Variants in PRKG1 observed in about 807,000 individuals in gnomAD.
PRKG1 encodes the protein protein kinase cGMP-dependent 1.
Under a neutral mutation model 88.1 loss-of-function variants are expected in PRKG1, and 35 were observed. The ratio of observed to expected loss-of-function variants is 0.40; its 90% CI spans 0.30 to 0.53. PRKG1 has a LOEUF of 0.53. PRKG1 is among the 20% of genes least tolerant of loss of function. The pLI, the probability that PRKG1 is intolerant of heterozygous loss-of-function variation, is 0.59. For missense variants in PRKG1, 540 were observed against 839.8 expected, an observed-to-expected ratio of 0.64 and a Z score of 4.41; for synonymous variants, 303 against 292.5, an observed-to-expected ratio of 1.04 and a Z score of -0.37.
intron 3 of PRKG1, among the ~76,000 whole-genome samples, chr10:51,526,847 C>T (rs972562325): frequency 1.3e-5 from 2 of 152,134 alleles, no homozygotes; most frequent in Non-Finnish European, 2.9e-5. Context: ...CTTCTCTGTA[C>T]ATTAGACCCT....
chr10:51,586,357 G>A (rs923777024), intron 3 of PRKG1, among the ~76,000 whole-genome samples: 4 of 152,246 alleles, frequency 2.6e-5, no homozygotes, highest in Middle Eastern at 3.4e-3. Context: ...GGACACCACT[G>A]TAGCATTTCA....
chr10:52,285,488 C>T (rs1842097755), intron 14 of PRKG1, among the ~76,000 whole-genome samples: 1 of 152,060 alleles, frequency 6.6e-6, no homozygotes, highest in Non-Finnish European at 1.5e-5. Flanking sequence ...AAAGCTGGAA[C>T]CACTGATCCT....
At chr10:51,954,927 CT>C (rs1843268405) in intron 5 of PRKG1, among the ~76,000 whole-genome samples, 1 of 151,920 alleles carries the variant, frequency 6.6e-6, no homozygotes, top group African/African-American at 2.4e-5. Context: ...CAACATTTTG[CT>C]ATCTTTTATT....
intron 9 of PRKG1, among the ~76,000 whole-genome samples, chr10:52,238,660 G>A: frequency 6.7e-6 from 1 of 149,170 alleles, no homozygotes; most frequent in Non-Finnish European, 1.5e-5. Context: ...TCATTAAAAA[G>A]TCAGGAAACA....
At chr10:51,134,318 C>G (rs1845639706) in intron 1 of PRKG1, among the ~76,000 whole-genome samples, 1 of 152,184 alleles carries the variant, frequency 6.6e-6, no homozygotes, top group African/African-American at 2.4e-5. Flanking sequence ...CCTGTATTCT[C>G]ACTGTGGTTG....
At chr10:52,068,065 T>C (rs1290793909) in intron 7 of PRKG1, among the ~76,000 whole-genome samples, 1 of 139,382 alleles carries the variant, frequency 7.2e-6, no homozygotes, top group Admixed American at 7.4e-5. Flanking sequence ...CAGCCGGGCA[T>C]GGTGGCGCGT....
chr10:51,934,571 G>T (rs1408712614), intron 5 of PRKG1, among the ~76,000 whole-genome samples: 4 of 152,008 alleles, frequency 2.6e-5, no homozygotes, highest in Non-Finnish European at 4.4e-5. Flanking sequence ...TAGGGGTTCT[G>T]CTTATTGTGG....
rs902730203 is a variant in PRKG1, at chr10:51,554,048, G to A, written c.592+86212G>A. On this transcript the variant is annotated intron_variant, in intron 3 of 17. Coordinates refer to ENST00000373980, the MANE Select transcript of PRKG1 (RefSeq NM_006258.4). Reference sequence around the variant, plus strand: ...TGATACGTGTATATATTATATGTGCGTATGTGATACGTGTATATATTATAT... The same window carrying A: ...TGATACGTGTATATATTATATGTGCATATGTGATACGTGTATATATTATAT... Among the ~76,000 whole-genome samples the A allele has an allele frequency of 2.3e-4, 31 of 135,518 alleles. 11 individuals are homozygous for A. The South Asian group carries it at 3.4e-3, about 15-fold the overall frequency. 88.9% of individuals were successfully genotyped at this position (135,518 alleles called of 152,430 possible).
chr10:51,442,869 T>C (rs1209394064), intron 2 of PRKG1, among the ~76,000 whole-genome samples: 1 of 151,880 alleles, frequency 6.6e-6, no homozygotes, highest in East Asian at 1.9e-4. Context: ...GTTCTGTGGG[T>C]TACCTGGATT....
chr10:52,160,213 C>A (rs765621880), intron 8 of PRKG1, among the ~76,000 whole-genome samples: 2 of 151,730 alleles, frequency 1.3e-5, no homozygotes, highest in Non-Finnish European at 2.9e-5. Context: ...TAGGTAAGGA[C>A]CAAGACATTC....
chr10:51,044,792 C>A (rs545443864), intron 1 of PRKG1, among the ~76,000 whole-genome samples: 57 of 152,208 alleles, frequency 3.7e-4, no homozygotes, highest in African/African-American at 1.3e-3. Context: ...CCACTCTCCT[C>A]CAAAGTGATA....
At chr10:52,011,652 T>C (rs1844882365) in intron 5 of PRKG1, among the ~76,000 whole-genome samples, 1 of 152,152 alleles carries the variant, frequency 6.6e-6, no homozygotes, top group Admixed American at 6.5e-5. Flanking sequence ...TAATTCCCAA[T>C]CTTACTTCTT....
At chr10:51,640,030 G>T (rs1589152895) in intron 3 of PRKG1, among the ~76,000 whole-genome samples, 1 of 152,292 alleles carries the variant, frequency 6.6e-6, no homozygotes, top group East Asian at 1.9e-4. Context: ...AAGATTAAAA[G>T]AGGTAATGCA....
At chr10:51,378,813 A>G (rs1564468721) in intron 2 of PRKG1, among the ~76,000 whole-genome samples, 1 of 152,216 alleles carries the variant, frequency 6.6e-6, no homozygotes, top group Non-Finnish European at 1.5e-5. Flanking sequence ...GGGGGATTAT[A>G]TGAAAGAATT....
chr10:51,144,074 G>A (rs1169073158), intron 1 of PRKG1, among the ~76,000 whole-genome samples: 1 of 151,936 alleles, frequency 6.6e-6, no homozygotes, highest in East Asian at 1.9e-4. Flanking sequence ...TTTCCCCTAT[G>A]TTTTCCTCTA....
At chr10:50,992,404 T>C (rs2816837) in intron 1 of PRKG1, among the ~76,000 whole-genome samples, 133,070 of 152,214 alleles carry the variant, frequency 0.87, 58,277 homozygotes, top group East Asian at 0.94. Context: ...CTGCTCTAGG[T>C]TTGGAGTCCG....
intron 3 of PRKG1, among the ~76,000 whole-genome samples, chr10:51,545,167 TA>T (rs1250086525): frequency 6.6e-6 from 1 of 151,944 alleles, no homozygotes; most frequent in African/African-American, 2.4e-5. Flanking sequence ...TCAAACCTAA[TA>T]AAAAAATTGT....
At chr10:51,939,267 C>T (rs1306959041) in intron 5 of PRKG1, among the ~76,000 whole-genome samples, 1 of 151,990 alleles carries the variant, frequency 6.6e-6, no homozygotes, top group Admixed American at 6.6e-5. Context: ...TATAGCAGAA[C>T]TCACACAGAA....
intron 2 of PRKG1, among the ~76,000 whole-genome samples, chr10:51,301,391 C>A (rs551836911): frequency 1.3e-5 from 2 of 152,014 alleles, no homozygotes; most frequent in Non-Finnish European, 1.5e-5. Context: ...AAGAAAGGTA[C>A]CTTCTTTTAG....
Sources: gnomAD v4.1 joint callset for allele counts (sites outside exome capture counted in the v4.1 genomes callset) on GRCh38, gnomAD v4.1.1 for gene constraint, MANE v1.5 for transcripts, NCBI Gene and HGNC (gene_info 2026-07-23, HGNC 2026-07-21) for gene names.